SMIM31: variants seen among roughly 807,000 people sequenced by gnomAD.
The protein encoded by SMIM31 is small integral membrane protein 31.
At chr4:164,783,534 A>C (rs1332192269) in intron 2 of SMIM31, among the ~76,000 whole-genome samples, 3 of 49,574 alleles carry the variant, frequency 6.1e-5, no homozygotes, top group Non-Finnish European at 1.3e-4. Flanking sequence ...AAAAAAAGAA[A>C]AAAAAAAAAA....
chr4:164,791,081 C>T (rs918626951), intron 2 of SMIM31, among the ~76,000 whole-genome samples: 1 of 152,112 alleles, frequency 6.6e-6, no homozygotes, highest in African/African-American at 2.4e-5. Flanking sequence ...AGAATAGTCA[C>T]TTTCAAGATT....
intron 1 of SMIM31, among the ~76,000 whole-genome samples, chr4:164,763,957 G>T (rs569460233): frequency 1.3e-5 from 2 of 152,002 alleles, no homozygotes; most frequent in Non-Finnish European, 2.9e-5. Context: ...GAAAAATAAC[G>T]GTAGATAGGA....
chr4:164,790,478 A>G (rs1281834647), intron 2 of SMIM31, among the ~76,000 whole-genome samples: 1 of 152,140 alleles, frequency 6.6e-6, no homozygotes, highest in Non-Finnish European at 1.5e-5. Flanking sequence ...TCCATTTTTT[A>G]TTAGTCCAGT....
chr4:164,777,543 C>T (rs970239033), intron 2 of SMIM31, among the ~76,000 whole-genome samples: 1 of 152,160 alleles, frequency 6.6e-6, no homozygotes, highest in Non-Finnish European at 1.5e-5. Flanking sequence ...TCCACCTGCA[C>T]ACTAGGCCCT....
intron 2 of SMIM31, among the ~76,000 whole-genome samples, chr4:164,785,246 A>T (rs143050206): frequency 3.2e-4 from 8 of 24,676 alleles, no homozygotes; most frequent in South Asian, 2.2e-3. Flanking sequence ...AATAAAAAAT[A>T]AAAAAAAAAT....
chr4:164,798,635 G>A (rs1733240448), intron 2 of SMIM31, among the ~76,000 whole-genome samples: 1 of 152,148 alleles, frequency 6.6e-6, no homozygotes, highest in South Asian at 2.1e-4. Context: ...CTGCAAGCTG[G>A]AGATCCACAA....
chr4:164,796,073 T>C (rs1733191430), intron 2 of SMIM31, among the ~76,000 whole-genome samples: 1 of 152,186 alleles, frequency 6.6e-6, no homozygotes, highest in Admixed American at 6.5e-5. Context: ...TAGAACTACT[T>C]AATGCTTGAA....
At chr4:164,794,354 G>T (rs1385183981) in intron 2 of SMIM31, among the ~76,000 whole-genome samples, 3 of 152,064 alleles carry the variant, frequency 2.0e-5, no homozygotes, top group Admixed American at 2.0e-4. Context: ...CTGCACTCCA[G>T]TCTGGGTGAC....
At position 164,764,571 on chromosome 4, in the gene SMIM31, A is replaced by G. The variant is rs575364782; in HGVS notation, c.-25-5848A>G. Among the ~76,000 whole-genome samples the G allele has an allele frequency of 3.3e-5, 5 of 151,770 alleles. No individual in the cohort carries two copies. In the South Asian group the frequency reaches 8.3e-4, roughly 25 times the overall value. ...ACAGAGCGAGACTCCATCTCAAAAAAAAAAAAAGAAAAAAATAGAAAAAAA... is the reference window on the plus strand; with the variant it reads ...ACAGAGCGAGACTCCATCTCAAAAAGAAAAAAAGAAAAAAATAGAAAAAAA... On this transcript the variant is annotated intron_variant, in intron 1 of 2. Coordinates refer to ENST00000507311, the MANE Select transcript of SMIM31 (RefSeq NM_001352885.1).
At chr4:164,786,059 A>T (rs1322523122) in intron 2 of SMIM31, among the ~76,000 whole-genome samples, 1 of 152,196 alleles carries the variant, frequency 6.6e-6, no homozygotes, top group Non-Finnish European at 1.5e-5. Flanking sequence ...TGTAAAATAA[A>T]CCATTATCAA....
intron 1 of SMIM31, among the ~76,000 whole-genome samples, chr4:164,755,004 A>G (rs1418958987): frequency 6.8e-6 from 1 of 147,810 alleles, no homozygotes; most frequent in Non-Finnish European, 1.5e-5. Flanking sequence ...AAATACTGTC[A>G]TTTATCTGCT....
intron 2 of SMIM31, among the ~76,000 whole-genome samples, chr4:164,778,720 G>A (rs556742590): frequency 6.6e-6 from 1 of 152,260 alleles, no homozygotes; most frequent in African/African-American, 2.4e-5. Context: ...GGCAGGAAGA[G>A]CTCGGTGAGC....
intron 1 of SMIM31, among the ~76,000 whole-genome samples, chr4:164,769,814 G>T (rs1197737388): frequency 6.6e-6 from 1 of 152,008 alleles, no homozygotes; most frequent in Non-Finnish European, 1.5e-5. Flanking sequence ...AACCATTATG[G>T]TGGGTTTGGG....
chr4:164,767,386 G>A (rs1579062863), intron 1 of SMIM31, among the ~76,000 whole-genome samples: 2 of 152,068 alleles, frequency 1.3e-5, no homozygotes, highest in African/African-American at 4.8e-5. Flanking sequence ...ATGATAAAAG[G>A]AGTTACGTTA....
chr4:164,769,544 AT>A (rs1232572151), intron 1 of SMIM31, among the ~76,000 whole-genome samples: 1 of 136,300 alleles, frequency 7.3e-6, no homozygotes, highest in East Asian at 2.3e-4. Flanking sequence ...GAATTGAACA[AT>A]GAGAACACAT....
At chr4:164,786,781 G>A (rs1733031044) in intron 2 of SMIM31, among the ~76,000 whole-genome samples, 1 of 152,106 alleles carries the variant, frequency 6.6e-6, no homozygotes, top group Admixed American at 6.6e-5. Context: ...TTGAACATTT[G>A]GACACTTTAC....
intron 2 of SMIM31, among the ~76,000 whole-genome samples, chr4:164,778,339 T>C (rs1049001289): frequency 6.6e-6 from 1 of 152,086 alleles, no homozygotes; most frequent in African/African-American, 2.4e-5. Flanking sequence ...AAAAAAAAAT[T>C]TTATTTTGCA....
Position 164,801,380 on chromosome 4 carries a change from C to A in SMIM31, c.*186C>A. 2.0e-5 allele frequency: 7 copies of A among 356,144 alleles called. No homozygotes were observed. The highest frequency in any genetic ancestry group is 4.0e-5 in the East Asian group (1 of 24,770). 22.1% of individuals were successfully genotyped at this position (356,144 alleles called of 1,614,324 possible). On this transcript the variant is annotated 3_prime_UTR_variant, in exon 3 of 3. Coordinates refer to ENST00000507311, the MANE Select transcript of SMIM31 (RefSeq NM_001352885.1). ...AAGGCTTCACATTTCTGGGACTCAGCATTATCCAAAATATCTATTAAGAGC... is the reference window on the plus strand; with the variant it reads ...AAGGCTTCACATTTCTGGGACTCAGAATTATCCAAAATATCTATTAAGAGC...
chr4:164,790,192 T>C (rs1249267860), intron 2 of SMIM31, among the ~76,000 whole-genome samples: 1 of 152,212 alleles, frequency 6.6e-6, no homozygotes, highest in African/African-American at 2.4e-5. Flanking sequence ...CTTTAAAAAC[T>C]ATACATGAAA....
Sources: gnomAD v4.1 joint callset for allele counts (sites outside exome capture counted in the v4.1 genomes callset) on GRCh38, gnomAD v4.1.1 for gene constraint, MANE v1.5 for transcripts, NCBI Gene and HGNC (gene_info 2026-07-23, HGNC 2026-07-21) for gene names.